SNX10: variants seen among roughly 807,000 people sequenced by gnomAD.
The protein encoded by SNX10 is sorting nexin 10, also known as sorting nexin-10.
Under a neutral mutation model 28.5 loss-of-function variants are expected in SNX10, and 25 were observed. The ratio of observed to expected loss-of-function variants is 0.88; its 90% CI spans 0.64 to 1.22. The LOEUF is 1.22. Among genes scored for constraint, SNX10 ranks in the 50% most tolerant of loss-of-function variants. The pLI is 0.00. For missense variants in SNX10, 223 were observed against 242.6 expected (o/e 0.92, Z 0.54); for synonymous variants, 62 against 81.4 (o/e 0.76, Z 1.28).
intron 2 of SNX10, chr7:26,353,922 CAA>C (rs1487734393): frequency 6.6e-6 from 1 of 152,102 alleles, no homozygotes; most frequent in African/African-American, 2.4e-5. Context: ...CAAACTGAGA[CAA>C]GTTTACATTT....
chr7:26,359,797 A>G (rs113512952), intron 2 of SNX10, among the ~76,000 whole-genome samples: 1,534 of 152,136 alleles, frequency 0.01, 21 homozygotes, highest in African/African-American at 0.034. Context: ...AGCTGGGACT[A>G]CAGGCACACG....
intron 1 of SNX10, among the ~76,000 whole-genome samples, chr7:26,346,132 T>G (rs531310194): frequency 2.4e-4 from 37 of 152,312 alleles, no homozygotes; most frequent in African/African-American, 8.2e-4. Flanking sequence ...GCCAATTCAC[T>G]AAGGCTCCAG....
At chr7:26,353,862 A>G (rs1788713254) in intron 2 of SNX10, among the ~76,000 whole-genome samples, 2 of 152,242 alleles carry the variant, frequency 1.3e-5, no homozygotes, top group African/African-American at 4.8e-5. Context: ...ATACATGAAC[A>G]TGTAAAACAC....
intron 1 of SNX10, among the ~76,000 whole-genome samples, chr7:26,315,009 A>AC (rs1554351643): frequency 1.4e-5 from 2 of 141,110 alleles, no homozygotes; most frequent in Non-Finnish European, 3.2e-5. Flanking sequence ...ACAAAACAAA[A>AC]AAACAACCAA....
intron 2 of SNX10, among the ~76,000 whole-genome samples, chr7:26,351,113 G>A (rs1186166620): frequency 6.6e-6 from 1 of 152,174 alleles, no homozygotes; most frequent in Non-Finnish European, 1.5e-5. Flanking sequence ...AGAATTTATA[G>A]TTTAATATCT....
intron 3 of SNX10, among the ~76,000 whole-genome samples, chr7:26,363,688 G>A (rs1428727896): frequency 2.0e-5 from 3 of 152,182 alleles, no homozygotes; most frequent in African/African-American, 7.2e-5. Flanking sequence ...GAAGCATTGT[G>A]GCTGAGCTTA....
At chr7:26,351,494 C>A (rs1255123074) in intron 2 of SNX10, among the ~76,000 whole-genome samples, 4 of 152,050 alleles carry the variant, frequency 2.6e-5, no homozygotes, top group Non-Finnish European at 2.9e-5. Flanking sequence ...CTCAAATTGT[C>A]AAGGTCATGA....
intron 1 of SNX10, among the ~76,000 whole-genome samples, chr7:26,342,587 A>T (rs1788224051): frequency 6.6e-6 from 1 of 152,306 alleles, no homozygotes; most frequent in African/African-American, 2.4e-5. Context: ...TATGCTATTT[A>T]CTGTATTTAA....
At chr7:26,333,900 C>G (rs1787832752) in intron 1 of SNX10, among the ~76,000 whole-genome samples, 1 of 152,098 alleles carries the variant, frequency 6.6e-6, no homozygotes, top group Admixed American at 6.5e-5. Context: ...TAATCAAAAC[C>G]CTGTGTGGTG....
intron 1 of SNX10, among the ~76,000 whole-genome samples, chr7:26,341,339 T>G (rs1788168900): frequency 6.6e-6 from 1 of 151,934 alleles, no homozygotes; most frequent in Admixed American, 6.6e-5. Flanking sequence ...ACAATGAAGG[T>G]AAGAGAGAAG....
chr7:26,365,297 G>C, intron 5 of SNX10, 152 bp downstream of exon 5: 1 of 547,402 alleles, frequency 1.8e-6, no homozygotes, highest in Admixed American at 3.1e-5. Context: ...CTATATTAGA[G>C]CACCATCTTG....
At chr7:26,365,259 A>C (rs759322875) in intron 5 of SNX10, 114 bp downstream of exon 5, 15 of 651,760 alleles carry the variant, frequency 2.3e-5, no homozygotes, top group Non-Finnish European at 4.2e-5. Flanking sequence ...AATAATCTGC[A>C]CTAGAGCAAA....
chr7:26,315,280 A>G (rs1312037635), intron 1 of SNX10, among the ~76,000 whole-genome samples: 1 of 152,214 alleles, frequency 6.6e-6, no homozygotes, highest in Non-Finnish European at 1.5e-5. Flanking sequence ...CCATTATCAT[A>G]TCCTGGAAAT....
intron 1 of SNX10, among the ~76,000 whole-genome samples, chr7:26,329,859 C>T (rs1787666172): frequency 6.6e-6 from 1 of 152,086 alleles, no homozygotes; most frequent in Non-Finnish European, 1.5e-5. Context: ...GGTTCAGGGC[C>T]CTGAGATACA....
At chr7:26,321,650 A>G (rs553429241) in intron 1 of SNX10, among the ~76,000 whole-genome samples, 7 of 152,170 alleles carry the variant, frequency 4.6e-5, no homozygotes, top group Non-Finnish European at 8.8e-5. Context: ...GGTTTTGTTC[A>G]GGCAGGAAAT....
intron 2 of SNX10, among the ~76,000 whole-genome samples, chr7:26,358,288 A>G (rs188956593): frequency 1.4e-3 from 210 of 152,314 alleles, no homozygotes; most frequent in African/African-American, 4.9e-3. Context: ...TTCTGTTTCC[A>G]TCCCTGGGCA....
At chr7:26,349,836 G>A (rs1788529273) in intron 2 of SNX10, among the ~76,000 whole-genome samples, 1 of 152,210 alleles carries the variant, frequency 6.6e-6, no homozygotes, top group African/African-American at 2.4e-5. Flanking sequence ...ACACTACTCA[G>A]GATGCTTGCC....
chr7:26,365,204 G>A, intron 5 of SNX10, 59 bp downstream of exon 5: 1 of 979,610 alleles, frequency 1.0e-6, no homozygotes, highest in Non-Finnish European at 1.7e-6. Context: ...CTTTACAAGA[G>A]CTGCATGGTG....
intron 1 of SNX10, among the ~76,000 whole-genome samples, chr7:26,302,417 A>G (rs980442384): frequency 6.6e-6 from 1 of 152,032 alleles, no homozygotes; most frequent in African/African-American, 2.4e-5. Context: ...AATGGGGGCC[A>G]CCTCTGCAGC....
Sources: allele counts gnomAD v4.1 joint callset (sites outside exome capture counted in the v4.1 genomes callset), GRCh38; gene constraint gnomAD v4.1.1; transcripts MANE v1.5; gene names NCBI Gene and HGNC (gene_info 2026-07-23, HGNC 2026-07-21).